The following GPC5 variants were observed in gnomAD, a reference collection of about 807,000 sequenced individuals.
GPC5 encodes glypican-5.
A neutral mutation model predicts 53.9 loss-of-function variants in GPC5; 47 were observed. The observed-to-expected ratio is 0.87, with a 90% CI of 0.69 to 1.11. GPC5 has a LOEUF of 1.11. Ranked by LOEUF, GPC5 falls within the 50% of genes most tolerant of loss-of-function variation. The pLI, the probability that GPC5 is intolerant of heterozygous loss-of-function variation, is 0.00. For missense variants in GPC5, 748 were observed against 713.1 expected (o/e 1.05, Z -0.56); for synonymous variants, 286 against 263.3 (o/e 1.09, Z -0.84).
chr13:92,047,824 A>G (rs955245621), intron 6 of GPC5, among the ~76,000 whole-genome samples: 2 of 150,618 alleles, frequency 1.3e-5, no homozygotes, highest in South Asian at 2.1e-4. Context: ...AAAAAAAAAA[A>G]AAAGAAAATA....
intron 6 of GPC5, among the ~76,000 whole-genome samples, chr13:92,109,687 A>G (rs2041541199): frequency 6.6e-6 from 1 of 152,162 alleles, no homozygotes; most frequent in African/African-American, 2.4e-5. Context: ...TGTCTTCCCC[A>G]TTACCGTAGT....
intron 7 of GPC5, among the ~76,000 whole-genome samples, chr13:92,427,747 G>A (rs1197606315): frequency 3.3e-5 from 5 of 152,052 alleles, no homozygotes; most frequent in Non-Finnish European, 5.9e-5. Context: ...TGCAAGCCTA[G>A]CCCAATAACG....
intron 7 of GPC5, among the ~76,000 whole-genome samples, chr13:92,200,588 G>A (rs537891758): frequency 6.6e-6 from 1 of 152,260 alleles, no homozygotes; most frequent in Non-Finnish European, 1.5e-5. Flanking sequence ...ATCTCAGACT[G>A]TTTTTTGACA....
At chr13:92,758,482 A>T (rs182847222) in intron 7 of GPC5, among the ~76,000 whole-genome samples, 1,615 of 151,250 alleles carry the variant, frequency 0.011, 23 homozygotes, top group South Asian at 0.059. Context: ...TAATAATAAT[A>T]AAAAAAAGAA....
chr13:92,488,879 T>C (rs1594244383), intron 7 of GPC5, among the ~76,000 whole-genome samples: 1 of 152,310 alleles, frequency 6.6e-6, no homozygotes, highest in East Asian at 1.9e-4. Flanking sequence ...AGCAATAGCA[T>C]TTAAAGGCTT....
intron 7 of GPC5, among the ~76,000 whole-genome samples, chr13:92,443,580 A>G (rs947324906): frequency 6.6e-6 from 1 of 152,222 alleles, no homozygotes; most frequent in Admixed American, 6.5e-5. Flanking sequence ...CAGTTTATGA[A>G]ACACCTTGAA....
chr13:91,973,944 A>G (rs2040270415), intron 6 of GPC5, among the ~76,000 whole-genome samples: 1 of 152,202 alleles, frequency 6.6e-6, no homozygotes, highest in African/African-American at 2.4e-5. Context: ...GACCCACTTG[A>G]GGAGGCAGTA....
At chr13:91,453,676 C>T (rs1049906207) in intron 2 of GPC5, among the ~76,000 whole-genome samples, 4 of 152,002 alleles carry the variant, frequency 2.6e-5, no homozygotes, top group African/African-American at 4.8e-5. Flanking sequence ...AGCAGATATA[C>T]AGCAAATGTA....
intron 2 of GPC5, among the ~76,000 whole-genome samples, chr13:91,482,625 A>G (rs1313698501): frequency 2.0e-5 from 3 of 152,222 alleles, no homozygotes; most frequent in Non-Finnish European, 4.4e-5. Context: ...ACATTAAAGC[A>G]GGAGAACCAG....
At position 91,693,491 on chromosome 13, in the gene GPC5, A is replaced by G. The variant is rs1290924251; in HGVS notation, c.630A>G (p.Arg210=). Residue 210 remains arginine, a synonymous_variant, in exon 3 of 8, where the codon AGA becomes AGG. Coordinates refer to ENST00000377067, the MANE Select transcript of GPC5 (RefSeq NM_004466.6). The part of the protein sequence containing the change: ...DVSPFGNIPQ[R]VMGQMGRSLL... ...GTCCATTTGGTAATATTCCCCAAAG[A>G]GTAATGGGACAGATGGGGAGGTCCC... The G allele has an allele frequency of 1.9e-6, 3 of 1,614,116 alleles. No homozygotes were observed. The highest frequency in any genetic ancestry group is 2.7e-5 in the African/African-American group (2 of 75,044).
chr13:92,589,064 G>A (rs1883635565), intron 7 of GPC5, among the ~76,000 whole-genome samples: 1 of 152,154 alleles, frequency 6.6e-6, no homozygotes, highest in Admixed American at 6.5e-5. Flanking sequence ...CTTTGTATCT[G>A]TACTAGAGGA....
At chr13:92,568,192 A>G (rs1231272145) in intron 7 of GPC5, among the ~76,000 whole-genome samples, 2 of 152,084 alleles carry the variant, frequency 1.3e-5, no homozygotes, top group Non-Finnish European at 2.9e-5. Flanking sequence ...ACTTACTACT[A>G]TTATTTATTA....
chr13:92,863,708 G>A (rs1323270790), intron 7 of GPC5, among the ~76,000 whole-genome samples: 2 of 152,088 alleles, frequency 1.3e-5, no homozygotes, highest in Non-Finnish European at 2.9e-5. Context: ...GGTCAGGCTG[G>A]TCTTGTACTC....
intron 7 of GPC5, among the ~76,000 whole-genome samples, chr13:92,524,692 T>A (rs1881207146): frequency 6.6e-6 from 1 of 152,122 alleles, no homozygotes; most frequent in Non-Finnish European, 1.5e-5. Context: ...AGACAGAAAG[T>A]TGTATATTGA....
chr13:92,319,845 C>T (rs1013619697), intron 7 of GPC5, among the ~76,000 whole-genome samples: 1 of 151,908 alleles, frequency 6.6e-6, no homozygotes, highest in African/African-American at 2.4e-5. Flanking sequence ...GTACCAAATC[C>T]CATTCCATTT....
intron 6 of GPC5, among the ~76,000 whole-genome samples, chr13:92,106,776 T>C (rs962699635): frequency 3.3e-5 from 5 of 152,048 alleles, no homozygotes; most frequent in African/African-American, 1.2e-4. Flanking sequence ...AAATTTCCTA[T>C]TTCAGATCTT....
At chr13:91,698,414 A>G (rs190246538) in intron 3 of GPC5, among the ~76,000 whole-genome samples, 1 of 152,300 alleles carries the variant, frequency 6.6e-6, no homozygotes, top group East Asian at 1.9e-4. Context: ...CTGTACATTT[A>G]TCTGAATCTG....
intron 7 of GPC5, among the ~76,000 whole-genome samples, chr13:92,377,006 C>T (rs1335121456): frequency 1.3e-5 from 2 of 149,534 alleles, no homozygotes; most frequent in African/African-American, 5.0e-5. Context: ...CCGAGTGCAA[C>T]TCCATCTCAA....
At chr13:91,681,970 T>C (rs1428040166) in intron 2 of GPC5, among the ~76,000 whole-genome samples, 1 of 151,392 alleles carries the variant, frequency 6.6e-6, no homozygotes, top group African/African-American at 2.4e-5. Context: ...TGTGTACATC[T>C]ATCCCTTTTC....
Sources: allele counts gnomAD v4.1 joint callset (sites outside exome capture counted in the v4.1 genomes callset), GRCh38; gene constraint gnomAD v4.1.1; transcripts MANE v1.5; gene names NCBI Gene and HGNC (gene_info 2026-07-23, HGNC 2026-07-21).